The following BIN1 variants were observed in gnomAD, a reference collection of about 807,000 sequenced individuals.
BIN1 encodes myc box-dependent-interacting protein 1.
BIN1 carries 53 observed loss-of-function variants against 82.0 expected under a neutral mutation model. That is an observed-to-expected ratio of 0.65 (90% confidence interval 0.52 to 0.81). The LOEUF (loss-of-function observed/expected upper bound fraction) is 0.81. BIN1 is among the 40% of genes least tolerant of loss of function. The pLI, the probability that BIN1 is intolerant of heterozygous loss-of-function variation, is 0.00. For missense variants in BIN1, 642 were observed against 784.4 expected (o/e 0.82, Z 2.17); for synonymous variants, 302 against 328.0 (o/e 0.92, Z 0.86).
At position 127,089,746 on chromosome 2, in the gene BIN1, G is replaced by A. The variant is rs144778747; in HGVS notation, c.85-13040C>T. ...CCCTTCTGGTAGGAGACACTGCTGGGGCAGAAGGTGCTGGGAGCAGGCCCA... is the reference window on the plus strand; with the variant it reads ...CCCTTCTGGTAGGAGACACTGCTGGAGCAGAAGGTGCTGGGAGCAGGCCCA... On this transcript the variant is annotated intron_variant, in intron 1 of 18. Coordinates refer to ENST00000316724, the MANE Select transcript of BIN1 (RefSeq NM_139343.3). Among the ~76,000 whole-genome samples, 360 of 152,254 alleles carry A rather than the reference G, an allele frequency of 2.4e-3. 3 individuals carry two copies. Among genetic ancestry groups the A allele is most frequent in the African/African-American group, 8.4e-3 (348 of 41,524 alleles).
At chr2:127,065,469 G>A (rs1275561479) in intron 7 of BIN1, among the ~76,000 whole-genome samples, 2 of 152,132 alleles carry the variant, frequency 1.3e-5, no homozygotes, top group Non-Finnish European at 2.9e-5. Context: ...CTGGCAGGGG[G>A]GCTGCCAACC....
chr2:127,078,090 C>T (rs60874665), intron 1 of BIN1, among the ~76,000 whole-genome samples: 6 of 152,146 alleles, frequency 3.9e-5, no homozygotes, highest in Non-Finnish European at 8.8e-5. Flanking sequence ...GCCCAGGCCA[C>T]GGTCCTGGAC....
chr2:127,100,080 C>T (rs1680117422), intron 1 of BIN1, among the ~76,000 whole-genome samples: 1 of 152,208 alleles, frequency 6.6e-6, no homozygotes. Flanking sequence ...CTGGGGATTA[C>T]AGGCATGAGC....
At chr2:127,052,234 G>A in intron 15 of BIN1, 21 bp downstream of exon 15, 1 of 1,556,110 alleles carries the variant, frequency 6.4e-7, no homozygotes, top group Non-Finnish European at 8.7e-7. Flanking sequence ...AGCCAGACAG[G>A]GGCTGGAGGT....
chr2:127,051,212 G>A lies in BIN1; in HGVS notation c.1403C>T (p.Thr468Ile), dbSNP rs769199881. ...CTCCTGGGCTCCAGCCGCAGGTTGG[G>A]TCCCACCCGCCACCTCCGAGGCCTC... ...PAEASEVAGG[T>I]QPAAGAQEPG... Residue 468 changes from threonine to isoleucine, a missense_variant, in exon 16 of 19, where the codon ACC becomes ATC. By Grantham distance (89) the Thr-to-Ile change is moderately conservative. Transcript: ENST00000316724. 12 of 1,613,604 alleles carry A rather than the reference G, an allele frequency of 7.4e-6. No individual in the cohort carries two copies. The highest frequency in any genetic ancestry group is 1.0e-5 in the Non-Finnish European group (12 of 1,179,964).
chr2:127,081,433 C>T (rs543193110), intron 1 of BIN1, among the ~76,000 whole-genome samples: 1 of 152,356 alleles, frequency 6.6e-6, no homozygotes, highest in South Asian at 2.1e-4. Flanking sequence ...TGGGCCCCAG[C>T]AGCCCCTCCT....
chr2:127,103,735 C>T (rs952264603), intron 1 of BIN1, among the ~76,000 whole-genome samples: 3 of 152,248 alleles, frequency 2.0e-5, no homozygotes, highest in African/African-American at 7.2e-5. Context: ...GCCTGCCAAC[C>T]TCTAATCCTC....
intron 9 of BIN1, among the ~76,000 whole-genome samples, chr2:127,062,926 C>T (rs541153348): frequency 6.6e-6 from 1 of 152,354 alleles, no homozygotes; most frequent in African/African-American, 2.4e-5. Context: ...GCTTTTCCTC[C>T]TCCGACCCTG....
rs906373075 is a variant in BIN1, at chr2:127,048,349, G to A, written c.*177C>T. 1.1e-5 allele frequency: 7 copies of A among 627,772 alleles called. No individual in the cohort carries two copies. The highest frequency in any genetic ancestry group is 5.5e-5 in the African/African-American group (3 of 54,432). The allele number at this position is 627,772 out of a possible 1,614,324, so 38.9% of individuals were successfully genotyped here. A position where few individuals can be genotyped will look rare whatever the true frequency, so the allele number is the denominator to read the frequency against. ...TGAATTCCGCCGGACTTGCCGGGAC[G>A]CGGCTCTTTGGAAAACGACCTAATC... is the stretch of plus-strand genomic sequence containing the variant. On this transcript the variant is annotated 3_prime_UTR_variant, in exon 19 of 19. Transcript: ENST00000316724.
chr2:127,070,105 AGCACGACAGT>A lies in BIN1; in HGVS notation c.316-25_316-16del. On this transcript the variant is annotated splice_polypyrimidine_tract_variant and intron_variant, in intron 4 of 18. Coordinates refer to ENST00000316724, the MANE Select transcript of BIN1 (RefSeq NM_139343.3). Reference sequence around the variant, plus strand: ...AGGTCGTTGTTCTGAGACAGGCAAGAGCACGACAGTGCCACCAGGAGGGCTGGGCCACACC... The same window carrying A: ...AGGTCGTTGTTCTGAGACAGGCAAGAGCCACCAGGAGGGCTGGGCCACACC... The A allele has an allele frequency of 3.7e-6, 6 of 1,612,202 alleles. No individual in the cohort carries two copies. The highest frequency in any genetic ancestry group is 5.1e-6 in the Non-Finnish European group (6 of 1,178,824).
rs566224817 is a variant in BIN1, at chr2:127,060,255, C to A, written c.858-1100G>T. Reference sequence around the variant, plus strand: ...ATAGAATTGTTTAAAAAACAAAAAACCCCACAGTGCTGCAGTGTCACCTCC... The same window carrying A: ...ATAGAATTGTTTAAAAAACAAAAAAACCCACAGTGCTGCAGTGTCACCTCC... On this transcript the variant is annotated intron_variant, in intron 10 of 18. Transcript: ENST00000316724. Among the ~76,000 whole-genome samples the A allele has an allele frequency of 1.3e-4, 20 of 152,298 alleles. No individual in the cohort carries two copies. In the South Asian group the frequency reaches 2.1e-3, roughly 16 times the overall value.
chr2:127,084,266 C>T (rs2105217190), intron 1 of BIN1, among the ~76,000 whole-genome samples: 1 of 152,334 alleles, frequency 6.6e-6, no homozygotes, highest in Non-Finnish European at 1.5e-5. Flanking sequence ...CGCTGTTACC[C>T]AATCTCCTCC....
rs149861120 is a variant in BIN1, at chr2:127,068,018, GAA to G, written c.612+143_612+144del. 1,003 of 848,586 alleles carry G rather than the reference GAA, an allele frequency of 1.2e-3. 8 individuals are homozygous for G. The African/African-American group carries it at 0.015, about 13-fold the overall frequency. The allele number at this position is 848,586 out of a possible 1,614,324, so 52.6% of individuals were successfully genotyped here. A position where few individuals can be genotyped will look rare whatever the true frequency, so the allele number is the denominator to read the frequency against. On this transcript the variant is annotated intron_variant, in intron 7 of 18. Transcript: ENST00000316724. This position sits in a 1 kb window ranked among gnomAD's most constrained non-coding sequence, Gnocchi z 4.9. ...CTACATTTGACTTCAGGTCTCCTCTGAAGCAGAGCTCTCCCAGCAGAGGCCTT... is the reference window on the plus strand; with the variant it reads ...CTACATTTGACTTCAGGTCTCCTCTGGCAGAGCTCTCCCAGCAGAGGCCTT...
intron 1 of BIN1, among the ~76,000 whole-genome samples, chr2:127,080,969 G>A (rs1296563780): frequency 6.6e-6 from 1 of 152,250 alleles, no homozygotes; most frequent in Non-Finnish European, 1.5e-5. Flanking sequence ...CAGGGGCTCA[G>A]TGGGAGCATC....
chr2:127,056,932 G>C (rs1414099748), intron 12 of BIN1, among the ~76,000 whole-genome samples: 3 of 152,230 alleles, frequency 2.0e-5, no homozygotes, highest in African/African-American at 7.2e-5. Flanking sequence ...CTGAGCCAAG[G>C]GCCCGTCGGG....
intron 1 of BIN1, chr2:127,081,842 A>C: frequency 7.8e-7 from 1 of 1,287,656 alleles, no homozygotes; most frequent in Non-Finnish European, 1.0e-6. Context: ...CTTCCGCATC[A>C]TCTCCTCCCC....
chr2:127,053,935 G>A lies in BIN1; in HGVS notation c.1209C>T (p.Ser403=). Residue 403 remains serine (S), a synonymous_variant, in exon 13 of 19, where the codon AGC becomes AGT. Coordinates refer to ENST00000316724, the MANE Select transcript of BIN1 (RefSeq NM_139343.3). The part of the protein sequence containing the change: ...LDFDPLPPVT[S]PVKAPTPSGQ... ...CAGAGGGCGTGGGTGCCTTCACAGG[G>A]CTCGTCACGGGCGGGAGGGGGTCAA... The A allele has an allele frequency of 6.4e-7, 1 of 1,551,632 alleles. No homozygotes were observed. Among genetic ancestry groups the A allele is most frequent in the Non-Finnish European group, 8.7e-7 (1 of 1,147,112 alleles).
chr2:127,106,622 G>A (rs1188846923), intron 1 of BIN1, among the ~76,000 whole-genome samples: 1 of 152,174 alleles, frequency 6.6e-6, no homozygotes, highest in Non-Finnish European at 1.5e-5. Flanking sequence ...TGCAAAGCGG[G>A]GCCCTGTCCT....
chr2:127,087,716 G>A (rs906245259), intron 1 of BIN1, among the ~76,000 whole-genome samples: 3 of 152,184 alleles, frequency 2.0e-5, no homozygotes, highest in Admixed American at 6.5e-5. Flanking sequence ...TTCACAGTGA[G>A]GAAACCGAGA....
Sources: gnomAD v4.1 joint callset for allele counts (sites outside exome capture counted in the v4.1 genomes callset) on GRCh38, gnomAD v4.1.1 for gene constraint, Gnocchi (gnomAD v3.1) non-coding constraint, MANE v1.5 for transcripts, NCBI Gene and HGNC (gene_info 2026-07-23, HGNC 2026-07-21) for gene names.